The following BICDL1 variants were observed in gnomAD, a reference collection of about 807,000 sequenced individuals.
The protein encoded by BICDL1 is BICD family-like cargo adapter 1.
A neutral mutation model predicts 76.8 loss-of-function variants in BICDL1; 20 were observed. The ratio of observed to expected loss-of-function variants is 0.26; its 90% CI spans 0.18 to 0.38. The LOEUF (loss-of-function observed/expected upper bound fraction) is 0.38. Ranked by LOEUF, BICDL1 falls within the 10% of genes least tolerant of loss-of-function variation. The pLI is 1.00. For synonymous variants in BICDL1, 383 were observed against 337.1 expected (o/e 1.14, Z -1.49); for missense variants, 700 against 798.6 (o/e 0.88, Z 1.49).
At chr12:120,073,039 T>TA (rs1873234486) in intron 6 of BICDL1, among the ~76,000 whole-genome samples, 1 of 152,150 alleles carries the variant, frequency 6.6e-6, no homozygotes, top group African/African-American at 2.4e-5. Context: ...CACACCCAGC[T>TA]AGTTTTTGCA....
intron 7 of BICDL1, among the ~76,000 whole-genome samples, chr12:120,078,740 A>T (rs575431444): frequency 6.6e-6 from 1 of 152,356 alleles, no homozygotes; most frequent in South Asian, 2.1e-4. Flanking sequence ...TTTTTAGGCC[A>T]AAGCAAAAAG....
chr12:120,031,530 T>C (rs1952424055), intron 2 of BICDL1, among the ~76,000 whole-genome samples: 2 of 152,190 alleles, frequency 1.3e-5, no homozygotes, highest in Non-Finnish European at 2.9e-5. Flanking sequence ...TATTCATCAA[T>C]CACTTCATTT....
At chr12:120,003,880 G>A (rs550717358) in intron 2 of BICDL1, among the ~76,000 whole-genome samples, 1 of 152,182 alleles carries the variant, frequency 6.6e-6, no homozygotes, top group Non-Finnish European at 1.5e-5. Flanking sequence ...CTCATGGGAC[G>A]ATTGGCCATT....
intron 8 of BICDL1, among the ~76,000 whole-genome samples, chr12:120,083,141 G>A (rs1047035485): frequency 3.9e-5 from 6 of 152,184 alleles, no homozygotes; most frequent in African/African-American, 1.4e-4. Context: ...AGGATTACAG[G>A]CATGAGCCAC....
intron 2 of BICDL1, among the ~76,000 whole-genome samples, chr12:120,011,455 A>G (rs16949862): frequency 0.056 from 8,494 of 152,248 alleles, 471 homozygotes; most frequent in African/African-American, 0.14. Context: ...CTAACTAGGT[A>G]GGATTCCAAG....
At chr12:120,026,334 T>G (rs1396282341) in intron 2 of BICDL1, among the ~76,000 whole-genome samples, 3 of 152,174 alleles carry the variant, frequency 2.0e-5, no homozygotes, top group African/African-American at 7.2e-5. Context: ...AATGTTAACA[T>G]TAACAGTTGT....
chr12:120,038,910 G>A (rs2138795841), intron 2 of BICDL1, among the ~76,000 whole-genome samples: 1 of 152,318 alleles, frequency 6.6e-6, no homozygotes, highest in East Asian at 1.9e-4. Flanking sequence ...ACTCAGTACA[G>A]TTGTTAATTC....
At chr12:120,022,929 G>C (rs907208711) in intron 2 of BICDL1, among the ~76,000 whole-genome samples, 1 of 152,146 alleles carries the variant, frequency 6.6e-6, no homozygotes, top group Admixed American at 6.6e-5. Context: ...GAACCCCAGA[G>C]GTCTGCAGGT....
At position 120,047,211 on chromosome 12, in the gene BICDL1, G is replaced by A. The variant is rs545058090; in HGVS notation, c.646-14499G>A. On this transcript the variant is annotated intron_variant, in intron 2 of 9. Transcript: ENST00000548673. ...TTCTATAAACAGTATGACCAGGAAAGCATTGACTTTATCAGGCATTCCCTC... is the reference window on the plus strand; with the variant it reads ...TTCTATAAACAGTATGACCAGGAAAACATTGACTTTATCAGGCATTCCCTC... Among the ~76,000 whole-genome samples, 3 of 152,228 alleles carry A rather than the reference G, an allele frequency of 2.0e-5. No homozygotes were observed. In the East Asian group the frequency reaches 5.8e-4, roughly 29 times the overall value.
rs1485143100 is a variant in BICDL1 at position 120,071,670 on chromosome 12, C to A, written c.958C>A (p.Gln320Lys). Residue 320 changes from glutamine (Q) to lysine (K), a missense_variant, in exon 5 of 10, where the codon CAG becomes AAG. This residue lies in a region of BICDL1 where 455 missense variants were observed against 548.7 expected (regional missense o/e 0.83). Transcript: ENST00000548673. This position sits in a 1 kb window ranked among gnomAD's most constrained non-coding sequence, Gnocchi z 4.8. ...TCAGGAGGTGCGTCTCTCCTGCCGA[C>A]AGCTGCAGGTGAAGGTGGAAGAACT... ...ELQEVRLSCR[Q>K]LQVKVEELTE... is the part of the protein sequence containing the mutation. 6.2e-7 allele frequency: 1 copy of A among 1,612,584 alleles called. No homozygotes were observed. The highest frequency in any genetic ancestry group is 8.5e-7 in the Non-Finnish European group (1 of 1,179,740).
At chr12:120,012,337 A>C (rs1368916614) in intron 2 of BICDL1, among the ~76,000 whole-genome samples, 1 of 152,206 alleles carries the variant, frequency 6.6e-6, no homozygotes, top group Admixed American at 6.5e-5. Flanking sequence ...AGGTTTTATG[A>C]GGTTGACATT....
chr12:120,084,346 A>C (rs1257034931), intron 8 of BICDL1, among the ~76,000 whole-genome samples: 1 of 152,148 alleles, frequency 6.6e-6, no homozygotes, highest in Non-Finnish European at 1.5e-5. Context: ...AAGAAGTAAA[A>C]ATTTTTAATC....
chr12:120,048,551 C>T (rs1280635749), intron 2 of BICDL1, among the ~76,000 whole-genome samples: 1 of 152,128 alleles, frequency 6.6e-6, no homozygotes, highest in Non-Finnish European at 1.5e-5. Flanking sequence ...ATTACAGGTT[C>T]TTGTTTCCTG....
At chr12:120,056,490 G>A (rs1334086669) in intron 2 of BICDL1, among the ~76,000 whole-genome samples, 1 of 152,198 alleles carries the variant, frequency 6.6e-6, no homozygotes, top group Non-Finnish European at 1.5e-5. Context: ...GGAGGCCAAG[G>A]TGGGCGGATC....
chr12:120,027,782 T>C (rs1566227837), intron 2 of BICDL1, among the ~76,000 whole-genome samples: 3 of 152,322 alleles, frequency 2.0e-5, no homozygotes, highest in South Asian at 4.1e-4. Context: ...ATATGTTTGG[T>C]CTCCACAGAA....
At chr12:120,056,526 CT>C (rs1383964030) in intron 2 of BICDL1, among the ~76,000 whole-genome samples, 1 of 152,186 alleles carries the variant, frequency 6.6e-6, no homozygotes, top group East Asian at 1.9e-4. Context: ...CGAGACCAGC[CT>C]GACCAACGTG....
chr12:120,077,541 C>T (rs1466231389), intron 7 of BICDL1, among the ~76,000 whole-genome samples: 1 of 151,994 alleles, frequency 6.6e-6, no homozygotes, highest in Non-Finnish European at 1.5e-5. Context: ...CAGTTAGAAG[C>T]ATCCCATTTC....
intron 9 of BICDL1, chr12:120,092,411 G>C (rs1256948449): frequency 3.0e-6 from 3 of 985,356 alleles, no homozygotes; most frequent in South Asian, 4.7e-5. Flanking sequence ...CTCTGCCGCA[G>C]ATGGGAGCCT....
chr12:120,056,943 GA>G, intron 2 of BICDL1: 1 of 405,740 alleles, frequency 2.5e-6, no homozygotes, highest in South Asian at 1.9e-5. Context: ...GGGCTCTACA[GA>G]GCAGAGGGGA....
Sources: gnomAD v4.1 joint callset for allele counts (sites outside exome capture counted in the v4.1 genomes callset) on GRCh38, gnomAD v4.1.1 for gene constraint, gnomAD v4.1.1 regional missense constraint, Gnocchi (gnomAD v3.1) non-coding constraint, MANE v1.5 for transcripts, NCBI Gene and HGNC (gene_info 2026-07-23, HGNC 2026-07-21) for gene names.